The following KIF14 variants were observed in gnomAD, a reference collection of about 807,000 sequenced individuals.
The protein encoded by KIF14 is kinesin-like protein KIF14.
A neutral mutation model predicts 176.2 loss-of-function variants in KIF14; 98 were observed. That is an observed-to-expected ratio of 0.56 (90% CI 0.47 to 0.66). The LOEUF is 0.66. KIF14 is among the 30% of genes least tolerant of loss of function. KIF14 has a pLI of 0.00. For missense variants in KIF14, 1,751 were observed against 1,920.4 expected, an observed-to-expected ratio of 0.91 and a Z score of 1.65; for synonymous variants, 566 against 632.2, an observed-to-expected ratio of 0.90 and a Z score of 1.57.
rs112458077 is a variant in KIF14, at chr1:200,587,301, C to T, written c.3115-1074G>A. Among the ~76,000 whole-genome samples the T allele has an allele frequency of 6.0e-5, 9 of 149,602 alleles. 1 individual carries two copies. Among genetic ancestry groups the T allele is most frequent in the African/African-American group, 2.0e-4 (8 of 40,568 alleles). Reference sequence around the variant, plus strand: ...ACTTCACCACTATATAATTCATCCACGAAACCAAAAGCAATTTGTACTTCT... The same window carrying T: ...ACTTCACCACTATATAATTCATCCATGAAACCAAAAGCAATTTGTACTTCT... On this transcript the variant is annotated intron_variant, in intron 18 of 29. Coordinates refer to ENST00000367350, the MANE Select transcript of KIF14 (RefSeq NM_014875.3).
At chr1:200,581,858 TC>T (rs1658481372) in intron 19 of KIF14, among the ~76,000 whole-genome samples, 1 of 141,384 alleles carries the variant, frequency 7.1e-6, no homozygotes, top group South Asian at 2.4e-4. Context: ...AGCCTTGACC[TC>T]CCCAGGCTCA....
chr1:200,608,508 G>A (rs1659996522), intron 5 of KIF14, among the ~76,000 whole-genome samples: 1 of 151,876 alleles, frequency 6.6e-6, no homozygotes, highest in African/African-American at 2.4e-5. Flanking sequence ...GACTATAGGT[G>A]CAATCCGCCA....
chr1:200,566,388 C>T (rs1231767305), intron 23 of KIF14, among the ~76,000 whole-genome samples: 1 of 151,050 alleles, frequency 6.6e-6, no homozygotes, highest in Non-Finnish European at 1.5e-5. Flanking sequence ...GTCAGGAGAT[C>T]GGGACCATCC....
At position 200,587,379 on chromosome 1, in the gene KIF14, A is replaced by G. The variant is rs114356730; in HGVS notation, c.3115-1152T>C. Among the ~76,000 whole-genome samples the G allele has an allele frequency of 5.0e-3, 757 of 150,848 alleles. 11 individuals are homozygous for G. Among genetic ancestry groups the G allele is most frequent in the African/African-American group, 0.018 (735 of 41,088 alleles). ...AAATAAGAAAACCCCAAAAAGGCAG[A>G]AAAAAAAGAAGAAAAAAGGACAAAC... On this transcript the variant is annotated intron_variant, in intron 18 of 29. Transcript: ENST00000367350.
In KIF14 at chr1:200,600,052, G is replaced by A. The variant is rs1252780106; in HGVS notation, c.2362C>T (p.Gln788Ter). Residue 788 changes from glutamine (Q) to a stop codon, truncating the protein, a stop_gained and splice_region_variant, in exon 13 of 30, where the codon CAG (glutamine) becomes TAG (stop). Coordinates refer to ENST00000367350, the MANE Select transcript of KIF14 (RefSeq NM_014875.3). LOFTEE classifies it high-confidence loss of function. ...AGTTTAGAAAGTTGAAATAATACCTGTAACTCTTTTGTTTCTTGAAGTTTT... is the reference window on the plus strand; with the variant it reads ...AGTTTAGAAAGTTGAAATAATACCTATAACTCTTTTGTTTCTTGAAGTTTT... Reference protein sequence around the residue: ...KRKLQETKELQKAGIMFQMDN... With the variant: ...KRKLQETKEL 1.3e-6 allele frequency: 2 copies of A among 1,558,480 alleles called. No individual in the cohort carries two copies. Among genetic ancestry groups the A allele is most frequent in the Non-Finnish European group, 1.8e-6 (2 of 1,133,990 alleles).
chr1:200,614,389 C>G lies in KIF14; in HGVS notation c.1384G>C (p.Glu462Gln). Residue 462 changes from glutamate (E) to glutamine (Q), a missense_variant, in exon 4 of 30, where the codon GAA (glutamate) becomes CAA (glutamine). Coordinates refer to ENST00000367350, the MANE Select transcript of KIF14 (RefSeq NM_014875.3). ...AATCTTGGAATTATTCCTGGTTCTT[C>G]ACTAAATCCCATCATCCTGAAAAAT... ...GKSYTMMGFS[E>Q]EPGIIPRFCE... is the part of the protein sequence containing the mutation. 6.3e-7 allele frequency: 1 copy of G among 1,595,260 alleles called. No individual in the cohort carries two copies. The highest frequency in any genetic ancestry group is 8.6e-7 in the Non-Finnish European group (1 of 1,164,824).
intron 5 of KIF14, 106 bp downstream of exon 5, chr1:200,608,724 A>C: frequency 1.5e-6 from 1 of 665,302 alleles, no homozygotes; most frequent in Non-Finnish European, 2.6e-6. Flanking sequence ...TTGCTTTCAT[A>C]TAATTCTAGT....
At chr1:200,610,573 C>T (rs1245695898) in intron 4 of KIF14, among the ~76,000 whole-genome samples, 2 of 151,176 alleles carry the variant, frequency 1.3e-5, no homozygotes, top group East Asian at 1.9e-4. Flanking sequence ...TTCTTCTTAA[C>T]TTCTGCATAA....
intron 21 of KIF14, among the ~76,000 whole-genome samples, chr1:200,577,673 C>T (rs1658198235): frequency 6.6e-6 from 1 of 151,254 alleles, no homozygotes; most frequent in African/African-American, 2.4e-5. Context: ...TGCACTCCAG[C>T]CTGGCAACGG....
intron 25 of KIF14, among the ~76,000 whole-genome samples, chr1:200,564,503 A>G (rs142066920): frequency 3.0e-4 from 46 of 152,298 alleles, no homozygotes; most frequent in African/African-American, 1.1e-3. Flanking sequence ...ACTTCTTCTT[A>G]CAGCCAAACC....
rs748781572 is a variant in KIF14, at chr1:200,617,980, C to T, written c.744G>A (p.Val248=). 4 of 1,614,010 alleles carry T rather than the reference C, an allele frequency of 2.5e-6. No homozygotes were observed. The Admixed American group carries it at 5.0e-5, about 20-fold the overall frequency. Residue 248 remains valine, a synonymous_variant, in exon 2 of 30, where the codon GTG becomes GTA. Coordinates refer to ENST00000367350, the MANE Select transcript of KIF14 (RefSeq NM_014875.3). ...TATGATACAAGTTTCCTGTTCCCAACACTTTGATATCCAACTTGCTCTGAG... is the reference window on the plus strand; with the variant it reads ...TATGATACAAGTTTCCTGTTCCCAATACTTTGATATCCAACTTGCTCTGAG... The part of the protein sequence containing the change: ...KPTQSKLDIK[V]LGTGNLYHRS...
At position 200,615,455 on chromosome 1, in the gene KIF14, C is replaced by T. The variant is rs1660364724; in HGVS notation, c.1267G>A (p.Val423Ile). 2.5e-6 allele frequency: 4 copies of T among 1,614,082 alleles called. No individual in the cohort carries two copies. Among genetic ancestry groups the T allele is most frequent in the Non-Finnish European group, 3.4e-6 (4 of 1,179,948 alleles). Residue 423 changes from valine to isoleucine, a missense_variant, in exon 3 of 30, where the codon GTC becomes ATC. By Grantham distance (29) the Val-to-Ile change is conservative. Transcript: ENST00000367350. ...AGTGGTGCTGCTAGCTTCTCATAGA[C>T]AGTTGTCTGGCTAGCGTAGTGAGGA... The part of the protein sequence containing the change: ...CHPHYASQTT[V>I]YEKLAAPLLE...
chr1:200,587,916 T>G (rs1049404973), intron 18 of KIF14, among the ~76,000 whole-genome samples: 6 of 152,218 alleles, frequency 3.9e-5, no homozygotes, highest in Admixed American at 3.9e-4. Flanking sequence ...CTAGCCACTT[T>G]GTGTCCAGGA....
intron 22 of KIF14, among the ~76,000 whole-genome samples, chr1:200,573,400 C>T (rs890771941): frequency 1.4e-5 from 2 of 148,050 alleles, no homozygotes; most frequent in African/African-American, 2.5e-5. Flanking sequence ...GATACAGACA[C>T]GTTCCCTACA....
In KIF14 at chr1:200,580,319, T is replaced by C. The variant is rs1458684458; in HGVS notation, c.3400A>G (p.Ile1134Val). The C allele has an allele frequency of 6.5e-7, 1 of 1,530,890 alleles. No individual in the cohort carries two copies. The highest frequency in any genetic ancestry group is 1.9e-5 in the Admixed American group (1 of 54,002). The allele number at this position is 1,530,890 out of a possible 1,614,324, so 94.8% of individuals were successfully genotyped here. A position where few individuals can be genotyped will look rare whatever the true frequency, so the allele number is the denominator to read the frequency against. Residue 1134 changes from isoleucine (I) to valine (V), a missense_variant, in exon 21 of 30, where the codon ATC becomes GTC. Coordinates refer to ENST00000367350, the MANE Select transcript of KIF14 (RefSeq NM_014875.3). ...SIRVRNLKLG[I>V]STFWSLEKFE... ...TTTTCCAGACTCCAGAATGTTGAGA[T>C]TCCTAGTTTCAGGTTACGAACCCGA...
intron 22 of KIF14, 144 bp from the exon 23 acceptor site, chr1:200,570,149 G>T: frequency 2.1e-6 from 1 of 468,582 alleles, no homozygotes; most frequent in South Asian, 5.5e-5. Flanking sequence ...AAATTCATTT[G>T]GTTAATTGAG....
In KIF14 at chr1:200,551,985, T is replaced by C. The variant is rs1217631583; in HGVS notation, c.*1403A>G. On this transcript the variant is annotated 3_prime_UTR_variant, in exon 30 of 30. Coordinates refer to ENST00000367350, the MANE Select transcript of KIF14 (RefSeq NM_014875.3). ...AACACCACACAAGGTTCACTAATACTGTTCTGACTGCAATGACTGTATTTA... is the reference window on the plus strand; with the variant it reads ...AACACCACACAAGGTTCACTAATACCGTTCTGACTGCAATGACTGTATTTA... The C allele has an allele frequency of 1.3e-5, 2 of 152,350 alleles. No individual in the cohort carries two copies. The highest frequency in any genetic ancestry group is 4.8e-5 in the African/African-American group (2 of 41,582). The allele number at this position is 152,350 out of a possible 1,614,324, so 9.4% of individuals were successfully genotyped here.
rs1275255380 is a variant in KIF14, at chr1:200,552,917, T to TTATG, written c.*470_*471insCATA. On this transcript the variant is annotated 3_prime_UTR_variant, in exon 30 of 30. Transcript: ENST00000367350. The stretch of plus-strand genomic sequence containing the variant: ...AACACTTTAAAGATAAAAATATATT[T>TTATG]TATTTATTTATTTATTTATTTATTT... 4.7e-4 allele frequency: 2 copies of TTATG among 4,256 alleles called. No homozygotes were observed. The highest frequency in any genetic ancestry group is 1.0e-3 in the Non-Finnish European group (2 of 1,980). The allele number at this position is 4,256 out of a possible 1,614,324, so 0.3% of individuals were successfully genotyped here.
chr1:200,563,727 T>C (rs1359213840), intron 25 of KIF14, among the ~76,000 whole-genome samples: 1 of 152,158 alleles, frequency 6.6e-6, no homozygotes, highest in Non-Finnish European at 1.5e-5. Flanking sequence ...CTTTTGCATA[T>C]CAAGGAATTT....
Sources: gnomAD v4.1 joint callset for allele counts (sites outside exome capture counted in the v4.1 genomes callset) on GRCh38, gnomAD v4.1.1 for gene constraint, MANE v1.5 for transcripts, NCBI Gene and HGNC (gene_info 2026-07-23, HGNC 2026-07-21) for gene names.